The following WAC variants were observed in gnomAD, a reference collection of about 807,000 sequenced individuals.
WAC encodes the protein WW domain containing adaptor with coiled-coil, also known as WW domain-containing adapter protein with coiled-coil.
WAC carries 11 observed loss-of-function variants against 79.6 expected under a neutral mutation model. That is an observed-to-expected ratio of 0.14 (90% CI 0.09 to 0.23). The LOEUF is 0.23. Ranked by LOEUF, WAC falls within the 10% of genes least tolerant of loss-of-function variation. The pLI, the probability that WAC is intolerant of heterozygous loss-of-function variation, is 1.00. For synonymous variants in WAC, 304 were observed against 276.9 expected, an observed-to-expected ratio of 1.10 and a Z score of -0.97; for missense variants, 728 against 773.5, an observed-to-expected ratio of 0.94 and a Z score of 0.70.
chr10:28,609,383 G>T (rs559949099), intron 8 of WAC, among the ~76,000 whole-genome samples: 3 of 152,140 alleles, frequency 2.0e-5, no homozygotes, highest in African/African-American at 4.8e-5. Flanking sequence ...AAAATAAAGT[G>T]ATCAATTTTT....
chr10:28,590,401 T>TA (rs1337102446), intron 5 of WAC, among the ~76,000 whole-genome samples: 1 of 151,800 alleles, frequency 6.6e-6, no homozygotes, highest in Non-Finnish European at 1.5e-5. Context: ...ATAAAATACC[T>TA]ACATTTATGC....
rs1434195309 is a variant in WAC at position 28,622,752 on chromosome 10, T to TA, written c.*3147dup. 1.3e-5 allele frequency: 2 copies of TA among 152,150 alleles called. No individual in the cohort carries two copies. Among genetic ancestry groups the TA allele is most frequent in the Non-Finnish European group, 2.9e-5 (2 of 68,032 alleles). The allele number at this position is 152,150 out of a possible 1,614,324, so 9.4% of individuals were successfully genotyped here. Reference sequence around the variant, plus strand: ...TTCTTAAAACTTTGCCAGGAATTGTTACCCATTTCCAAAAACAGTTTATTA... The same window carrying TA: ...TTCTTAAAACTTTGCCAGGAATTGTTAACCCATTTCCAAAAACAGTTTATTA... On this transcript the variant is annotated 3_prime_UTR_variant, in exon 14 of 14. Coordinates refer to ENST00000354911, the MANE Select transcript of WAC (RefSeq NM_016628.5).
intron 3 of WAC, among the ~76,000 whole-genome samples, chr10:28,578,479 G>C (rs560644263): frequency 9.9e-5 from 15 of 152,126 alleles, no homozygotes; most frequent in Non-Finnish European, 2.1e-4. Flanking sequence ...ATAATATTTT[G>C]CTCCTGAGTA....
intron 3 of WAC, among the ~76,000 whole-genome samples, chr10:28,539,997 T>C (rs909169191): frequency 6.6e-6 from 1 of 152,304 alleles, no homozygotes; most frequent in East Asian, 1.9e-4. Context: ...TGATAATGTC[T>C]TTTTTTAATA....
chr10:28,568,860 C>T (rs192961363), intron 3 of WAC, among the ~76,000 whole-genome samples: 1 of 152,342 alleles, frequency 6.6e-6, no homozygotes, highest in Admixed American at 6.5e-5. Context: ...GCATGAGCCA[C>T]TGTGCCCGGC....
intron 3 of WAC, among the ~76,000 whole-genome samples, chr10:28,574,808 A>G (rs1839160581): frequency 6.6e-6 from 1 of 152,306 alleles, no homozygotes; most frequent in South Asian, 2.1e-4. Context: ...TCTTCTGAAT[A>G]TGTACCTAGG....
chr10:28,544,834 C>A (rs1289926725), intron 3 of WAC, among the ~76,000 whole-genome samples: 1 of 151,866 alleles, frequency 6.6e-6, no homozygotes, highest in Non-Finnish European at 1.5e-5. Context: ...GAGGCCAAGG[C>A]GGGCAGATCA....
chr10:28,565,228 C>T (rs1191792393), intron 3 of WAC, among the ~76,000 whole-genome samples: 1 of 152,154 alleles, frequency 6.6e-6, no homozygotes, highest in Non-Finnish European at 1.5e-5. Context: ...AAATGTGGAT[C>T]GTTTCCAGGT....
intron 3 of WAC, among the ~76,000 whole-genome samples, chr10:28,566,542 TTGTC>T (rs1022466340): frequency 2.0e-5 from 3 of 152,224 alleles, no homozygotes; most frequent in African/African-American, 7.2e-5. Context: ...TTTCTTATGA[TTGTC>T]TGTATTCTGT....
intron 3 of WAC, among the ~76,000 whole-genome samples, chr10:28,555,286 C>A (rs1837918638): frequency 6.6e-6 from 1 of 152,190 alleles, no homozygotes; most frequent in African/African-American, 2.4e-5. Context: ...GCCCCCTTAC[C>A]TCTCCAACCT....
intron 7 of WAC, among the ~76,000 whole-genome samples, chr10:28,607,200 C>T (rs924999359): frequency 2.6e-5 from 4 of 152,108 alleles, no homozygotes; most frequent in African/African-American, 9.7e-5. Context: ...TACACATCTG[C>T]TTGGTGTTAT....
chr10:28,547,818 T>C (rs1194183101), intron 3 of WAC, among the ~76,000 whole-genome samples: 1 of 152,054 alleles, frequency 6.6e-6, no homozygotes, highest in Non-Finnish European at 1.5e-5. Flanking sequence ...GATCTAAAAC[T>C]TCACAAATCT....
chr10:28,533,849 C>T (rs575277867), intron 1 of WAC, 149 bp from the exon 2 acceptor site: 5 of 1,086,758 alleles, frequency 4.6e-6, no homozygotes, highest in East Asian at 2.8e-5. Flanking sequence ...CCGGAGGCTC[C>T]GGGTTTGTGC....
chr10:28,551,530 T>A (rs1401588308), intron 3 of WAC, among the ~76,000 whole-genome samples: 1 of 152,216 alleles, frequency 6.6e-6, no homozygotes, highest in African/African-American at 2.4e-5. Context: ...AGGGGCCACA[T>A]AGCAGATCAG....
intron 3 of WAC, among the ~76,000 whole-genome samples, chr10:28,558,186 C>G (rs1055995594): frequency 6.6e-6 from 1 of 152,152 alleles, no homozygotes; most frequent in African/African-American, 2.4e-5. Flanking sequence ...AAAACTCAAT[C>G]TTTAGAGAGA....
intron 3 of WAC, among the ~76,000 whole-genome samples, chr10:28,539,860 A>G (rs924785272): frequency 3.3e-5 from 5 of 152,132 alleles, no homozygotes; most frequent in African/African-American, 1.2e-4. Context: ...CGCCTGGCCC[A>G]TAGTGAAGTT....
chr10:28,536,365 C>CT (rs1554776605), intron 3 of WAC, among the ~76,000 whole-genome samples: 1 of 151,904 alleles, frequency 6.6e-6, no homozygotes, highest in Non-Finnish European at 1.5e-5. Flanking sequence ...AAGAAAGGAA[C>CT]TTTGACCTTT....
Position 28,568,482 on chromosome 10 carries a change from G to A in WAC, c.275-14917G>A, listed in dbSNP as rs546135375. Among the ~76,000 whole-genome samples the A allele has an allele frequency of 1.4e-4, 22 of 152,216 alleles. No homozygotes were observed. The South Asian group carries it at 4.6e-3, about 32-fold the overall frequency. On this transcript the variant is annotated intron_variant, in intron 3 of 13. Coordinates refer to ENST00000354911, the MANE Select transcript of WAC (RefSeq NM_016628.5). ...TGCAACCTCCACCTCCCGGGTTCAA[G>A]CAATTTTCCTGTCTCAGCCTCCTGA...
At chr10:28,575,684 A>T (rs1386101180) in intron 3 of WAC, among the ~76,000 whole-genome samples, 1 of 152,166 alleles carries the variant, frequency 6.6e-6, no homozygotes, top group Non-Finnish European at 1.5e-5. Flanking sequence ...GATTATTTTT[A>T]TTGAGCTGTG....
Sources: allele counts gnomAD v4.1 joint callset (sites outside exome capture counted in the v4.1 genomes callset), GRCh38; gene constraint gnomAD v4.1.1; transcripts MANE v1.5; gene names NCBI Gene and HGNC (gene_info 2026-07-23, HGNC 2026-07-21).